Variants in DNAH6 observed in about 807,000 individuals in gnomAD.
DNAH6 encodes the protein axonemal beta dynein heavy chain 6.
In DNAH6, 340 loss-of-function variants were observed where a neutral mutation model predicts 491.4. That is an observed-to-expected ratio of 0.69 (90% CI 0.63 to 0.76). The LOEUF is 0.76. Ranked by LOEUF, DNAH6 falls within the 30% of genes least tolerant of loss-of-function variation. The pLI, the probability that DNAH6 is intolerant of heterozygous loss-of-function variation, is 0.00. For synonymous variants in DNAH6, 1,603 were observed against 1,686.1 expected (o/e 0.95, Z 1.21); for missense variants, 4,443 against 4,972.2 (o/e 0.89, Z 3.20).
At position 84,713,239 on chromosome 2, in the gene DNAH6, A is replaced by G. The variant is rs566662476; in HGVS notation, c.9523A>G (p.Asn3175Asp). Residue 3175 changes from asparagine (N) to aspartate (D), a missense_variant, in exon 57 of 77, where the codon AAT (asparagine) becomes GAT (aspartate). Around this residue, in one of 3 missense-constraint regions of DNAH6, gnomAD observed 1,463 missense variants for 1,656.6 expected, o/e 0.88. Transcript: ENST00000389394. ...GTTCTATATGACAACCAAAATGCCA[A>G]ATCCCCACTATCTGCCTGAGGTATG... ...FRFYMTTKMP[N>D]PHYLPEVCIK... 3.0e-5 allele frequency: 47 copies of G among 1,552,224 alleles called. No homozygotes were observed. Among genetic ancestry groups the G allele is most frequent in the Non-Finnish European group, 3.9e-5 (45 of 1,147,082 alleles).
At chr2:84,726,739 A>G (rs1036030898) in intron 60 of DNAH6, among the ~76,000 whole-genome samples, 1 of 152,096 alleles carries the variant, frequency 6.6e-6, no homozygotes, top group African/African-American at 2.4e-5. Flanking sequence ...AAACCTGCAC[A>G]TTGTGCACAT....
intron 2 of DNAH6, among the ~76,000 whole-genome samples, chr2:84,520,940 A>G (rs981869925): frequency 9.9e-5 from 15 of 152,060 alleles, no homozygotes; most frequent in African/African-American, 3.1e-4. Flanking sequence ...TAGTGGGATT[A>G]CTGGCTCGAA....
At chr2:84,727,957 A>G (rs1698794788) in intron 61 of DNAH6, 55 bp downstream of exon 61, 1 of 1,131,024 alleles carries the variant, frequency 8.8e-7, no homozygotes, top group East Asian at 2.6e-5. Flanking sequence ...GTCCCCACCC[A>G]AATCTCATTT....
chr2:84,626,863 C>T (rs1048808849), intron 29 of DNAH6, among the ~76,000 whole-genome samples: 7 of 152,332 alleles, frequency 4.6e-5, no homozygotes, highest in Admixed American at 2.0e-4. Flanking sequence ...GCTTTGGCCT[C>T]CCAAAGTGCT....
chr2:84,570,024 G>A (rs749014646), intron 11 of DNAH6, among the ~76,000 whole-genome samples: 1 of 152,026 alleles, frequency 6.6e-6, no homozygotes, highest in Non-Finnish European at 1.5e-5. Flanking sequence ...ATACCAATGA[G>A]CACATCTAGT....
At chr2:84,763,972 C>T (rs6754375) in intron 64 of DNAH6, among the ~76,000 whole-genome samples, 4,258 of 152,112 alleles carry the variant, frequency 0.028, 200 homozygotes, top group African/African-American at 0.098. Flanking sequence ...GCTTAATAGT[C>T]AGGCAGGAGA....
the DNAH6 span, among the ~76,000 whole-genome samples, chr2:84,485,691 G>A: frequency 1.3e-5 from 2 of 151,938 alleles, no homozygotes; most frequent in Admixed American, 6.6e-5. Flanking sequence ...TCTTCCTAAA[G>A]GCCAATTATG....
At chr2:84,772,190 A>G (rs906127317) in intron 64 of DNAH6, among the ~76,000 whole-genome samples, 1 of 152,134 alleles carries the variant, frequency 6.6e-6, no homozygotes, top group African/African-American at 2.4e-5. Flanking sequence ...CATGATCACT[A>G]TGAAAACAAC....
At chr2:84,742,934 G>A (rs1672652827) in intron 62 of DNAH6, among the ~76,000 whole-genome samples, 1 of 152,118 alleles carries the variant, frequency 6.6e-6, no homozygotes, top group South Asian at 2.1e-4. Context: ...ATGAAGACTA[G>A]GGGGAGAAAA....
At chr2:84,754,306 A>G (rs573027219) in intron 63 of DNAH6, among the ~76,000 whole-genome samples, 245 of 152,128 alleles carry the variant, frequency 1.6e-3, no homozygotes, top group Non-Finnish European at 2.6e-3. Context: ...CAGCTTCCCA[A>G]GTAGCTGGGA....
In DNAH6 at chr2:84,762,940, A is replaced by G. The variant is rs1009397092; in HGVS notation, c.10698A>G (p.Ser3566=). Residue 3566 remains serine, a synonymous_variant, in exon 64 of 77, where the codon TCA becomes TCG. Transcript: ENST00000389394. The stretch of plus-strand genomic sequence containing the variant: ...GGTTTGCCAGGGAAAGTGGATATTC[A>G]GAACGGTAAGTTCATGTTGTGCAGT... ...FQRFARESGY[S]ERVQSISLGQ... is the part of the protein sequence containing the mutation. 14 of 1,549,864 alleles carry G rather than the reference A, an allele frequency of 9.0e-6. No homozygotes were observed. In the East Asian group the frequency reaches 2.0e-4, roughly 22 times the overall value.
At chr2:84,624,218 TA>T in intron 26 of DNAH6, 46 bp from the exon 27 acceptor site, 1 of 1,486,748 alleles carries the variant, frequency 6.7e-7, no homozygotes. Context: ...TGTATATATG[TA>T]AGCTGATATT....
At chr2:84,507,263 T>C in the DNAH6 span, among the ~76,000 whole-genome samples, 1 of 152,180 alleles carries the variant, frequency 6.6e-6, no homozygotes, top group Admixed American at 6.6e-5. Flanking sequence ...TTGTAGTTCT[T>C]CTTAAAGAGG....
the DNAH6 span, among the ~76,000 whole-genome samples, chr2:84,487,011 A>T: frequency 3.3e-5 from 5 of 152,180 alleles, no homozygotes; most frequent in African/African-American, 1.2e-4. Flanking sequence ...TCAACTGGGG[A>T]TGCCAAAGGA....
intron 62 of DNAH6, among the ~76,000 whole-genome samples, chr2:84,734,623 G>T (rs928476964): frequency 3.3e-5 from 5 of 152,052 alleles, no homozygotes; most frequent in African/African-American, 4.8e-5. Context: ...TTCCATATGT[G>T]ACCTTTAGCT....
At chr2:84,624,215 A>T (rs747470024) in intron 26 of DNAH6, 50 bp from the exon 27 acceptor site, 2 of 1,472,416 alleles carry the variant, frequency 1.4e-6, no homozygotes, top group South Asian at 2.7e-5. Context: ...TAATGTATAT[A>T]TGTAAGCTGA....
chr2:84,808,155 G>A (rs1679622069), intron 71 of DNAH6, among the ~76,000 whole-genome samples: 1 of 151,964 alleles, frequency 6.6e-6, no homozygotes, highest in Non-Finnish European at 1.5e-5. Flanking sequence ...GTGTGTGTGT[G>A]TGTGTGTGTG....
At chr2:84,618,196 A>G (rs1448420459) in intron 23 of DNAH6, among the ~76,000 whole-genome samples, 1 of 152,150 alleles carries the variant, frequency 6.6e-6, no homozygotes, top group African/African-American at 2.4e-5. Context: ...GAAGGGAAGA[A>G]CTGAGGACCA....
At chr2:84,588,772 T>TG in intron 15 of DNAH6, 54 bp from the exon 16 acceptor site, 2 of 1,389,348 alleles carry the variant, frequency 1.4e-6, no homozygotes, top group Non-Finnish European at 1.9e-6. Context: ...TTAATTTAAT[T>TG]GGTCTTTATC....
Sources: gnomAD v4.1 joint callset for allele counts (sites outside exome capture counted in the v4.1 genomes callset) on GRCh38, gnomAD v4.1.1 for gene constraint, gnomAD v4.1.1 regional missense constraint, MANE v1.5 for transcripts, NCBI Gene and HGNC (gene_info 2026-07-23, HGNC 2026-07-21) for gene names.